DNAH12: variants seen among roughly 807,000 people sequenced by gnomAD.
DNAH12 encodes axonemal beta dynein heavy chain 12.
A neutral mutation model predicts 371.5 loss-of-function variants in DNAH12; 285 were observed. That is an observed-to-expected ratio of 0.77 (90% CI 0.70 to 0.85). The LOEUF (loss-of-function observed/expected upper bound fraction) is 0.85, where lower values mean the gene tolerates loss of function less well. DNAH12 is among the 40% of genes least tolerant of loss of function. The pLI is 0.00. For synonymous variants in DNAH12, 1,200 were observed against 1,213.0 expected, an observed-to-expected ratio of 0.99 and a Z score of 0.22; for missense variants, 3,611 against 3,689.4, an observed-to-expected ratio of 0.98 and a Z score of 0.55.
chr3:57,367,088 G>A (rs1342922752), intron 56 of DNAH12, among the ~76,000 whole-genome samples, 167 bp from the exon 57 acceptor site: 1 of 152,178 alleles, frequency 6.6e-6, no homozygotes, highest in Non-Finnish European at 1.5e-5. Context: ...AACACTTTGG[G>A]AGGCCAAGGC....
chr3:57,456,329 G>A lies in DNAH12; in HGVS notation c.3336+1392C>T, dbSNP rs901846526. ...AGAAGATGAGCTCCATAGGGCTCTC[G>A]GTCAAAGAAAAAGAACACTCACTCA... is the stretch of plus-strand genomic sequence containing the variant. On this transcript the variant is annotated intron_variant, in intron 22 of 73. Transcript: ENST00000495027. 6.6e-5 allele frequency among the ~76,000 whole-genome samples: 10 copies of A among 152,176 alleles called. No individual in the cohort carries two copies. The East Asian group carries it at 9.7e-4, about 15-fold the overall frequency.
Position 57,509,186 on chromosome 3 carries a change from CTG to C in DNAH12, c.494_495del (p.Pro165ArgfsTer2). Reference protein sequence around the residue: ...YLVQSVLVKPPVKSLEDEGGP... With the variant: ...YLVQSVLVKPXVKSLEDEGGP... ...CCTCCTTCATCTTCAAGCGATTTAA[CTG>C]GTGGTTTCACAAGAACGCTCTGCAC... is the stretch of plus-strand genomic sequence containing the variant. On this transcript the variant is annotated frameshift_variant, in exon 6 of 74. Transcript: ENST00000495027. LOFTEE classifies it high-confidence loss of function. 1 of 1,613,818 alleles carries C rather than the reference CTG, an allele frequency of 6.2e-7. No individual in the cohort carries two copies. Among genetic ancestry groups the C allele is most frequent in the Non-Finnish European group, 8.5e-7 (1 of 1,179,934 alleles).
At chr3:57,384,357 C>A (rs1230119411) in intron 49 of DNAH12, among the ~76,000 whole-genome samples, 1 of 152,000 alleles carries the variant, frequency 6.6e-6, no homozygotes, top group African/African-American at 2.4e-5. Context: ...CAAAAATAGG[C>A]CAGGCATGGA....
At chr3:57,508,212 A>AAAAC (rs1559734020) in intron 7 of DNAH12, among the ~76,000 whole-genome samples, 170 bp downstream of exon 7, 2 of 150,176 alleles carry the variant, frequency 1.3e-5, no homozygotes, top group Non-Finnish European at 3.0e-5. Flanking sequence ...AAAAAAAAAA[A>AAAAC]AACCAAAAAA....
intron 39 of DNAH12, among the ~76,000 whole-genome samples, chr3:57,409,931 A>G (rs2064151013): frequency 6.6e-6 from 1 of 152,188 alleles, no homozygotes; most frequent in African/African-American, 2.4e-5. Context: ...AAGCCATCTC[A>G]AAGATATGGT....
intron 68 of DNAH12, 128 bp from the exon 69 acceptor site, chr3:57,309,382 A>G: frequency 1.3e-6 from 1 of 778,304 alleles, no homozygotes; most frequent in Non-Finnish European, 2.0e-6. Context: ...ACAGTAATGT[A>G]TATAAGTCCT....
intron 66 of DNAH12, among the ~76,000 whole-genome samples, chr3:57,313,529 C>T (rs2061623300): frequency 6.6e-6 from 1 of 152,182 alleles, no homozygotes; most frequent in African/African-American, 2.4e-5. Context: ...TGGCACACAA[C>T]TGTAGTCCAA....
At position 57,453,229 on chromosome 3, in the gene DNAH12, A is replaced by C; in HGVS notation, c.3613+18T>G. On this transcript the variant is annotated intron_variant, in intron 24 of 73. Coordinates refer to ENST00000495027, the MANE Select transcript of DNAH12 (RefSeq NM_001366028.2). ...TATCAACATTTTATCTTTAAAAATTAAAGAAAAAGTCACATACCCATTTTA... is the reference window on the plus strand; with the variant it reads ...TATCAACATTTTATCTTTAAAAATTCAAGAAAAAGTCACATACCCATTTTA... 6.6e-7 allele frequency: 1 copy of C among 1,517,822 alleles called. No individual in the cohort carries two copies. Among genetic ancestry groups the C allele is most frequent in the Non-Finnish European group, 8.8e-7 (1 of 1,137,596 alleles). 94.0% of individuals were successfully genotyped at this position (1,517,822 alleles called of 1,614,324 possible).
intron 6 of DNAH12, among the ~76,000 whole-genome samples, chr3:57,508,922 T>TAAAGCTTAGTA (rs2067878354): frequency 6.6e-6 from 1 of 152,158 alleles, no homozygotes; most frequent in Admixed American, 6.6e-5. Flanking sequence ...AAGGCTAAGT[T>TAAAGCTTAGTA]AAGCTATGCA....
rs1450475888 is a variant in DNAH12, at chr3:57,299,234, A to G, written c.11395-2250T>C. 2.6e-5 allele frequency among the ~76,000 whole-genome samples: 4 copies of G among 152,236 alleles called. No homozygotes were observed. In the East Asian group the frequency reaches 7.7e-4, roughly 29 times the overall value. ...GCTTCCTTTATCCCAGAGTGTCATT[A>G]GTGTCTGTGGTCAGCTACTTGTACT... On this transcript the variant is annotated intron_variant, in intron 70 of 73. Transcript: ENST00000495027.
chr3:57,445,416 G>A lies in DNAH12; in HGVS notation c.4183C>T (p.Leu1395Phe), dbSNP rs766318372. 7.3e-6 allele frequency: 11 copies of A among 1,514,918 alleles called. No individual in the cohort carries two copies. The highest frequency in any genetic ancestry group is 9.7e-6 in the Non-Finnish European group (11 of 1,133,698). The allele number at this position is 1,514,918 out of a possible 1,614,324, so 93.8% of individuals were successfully genotyped here. A position where few individuals can be genotyped will look rare whatever the true frequency, so the allele number is the denominator to read the frequency against. Residue 1395 changes from leucine to phenylalanine, a missense_variant, in exon 28 of 74, where the codon CTT (leucine) becomes TTT (phenylalanine). Leu to Phe is a conservative substitution (Grantham distance 22, BLOSUM62 0). Transcript: ENST00000495027. Reference sequence around the variant, plus strand: ...ACCATCATAGCCACTGTTCTAAAAAGAACCTGAAGTATAAAATAAATGAAA... The same window carrying A: ...ACCATCATAGCCACTGTTCTAAAAAAAACCTGAAGTATAAAATAAATGAAA... ...RSELPDNLKV[L>F]FRTVAMMVPN... is the part of the protein sequence containing the mutation.
intron 34 of DNAH12, among the ~76,000 whole-genome samples, chr3:57,428,172 G>A (rs911719541): frequency 1.5e-4 from 23 of 152,130 alleles, no homozygotes; most frequent in African/African-American, 3.1e-4. Flanking sequence ...CAAGTGATCC[G>A]CCCACCTCAG....
intron 36 of DNAH12, 113 bp from the exon 37 acceptor site, chr3:57,419,631 CT>C (rs1262426489): frequency 5.9e-6 from 4 of 680,852 alleles, no homozygotes; most frequent in East Asian, 3.5e-5. Flanking sequence ...AGTCTTCCCC[CT>C]TTTAATGAAA....
chr3:57,540,440 T>C (rs2069230743), intron 2 of DNAH12, among the ~76,000 whole-genome samples: 1 of 152,160 alleles, frequency 6.6e-6, no homozygotes, highest in Non-Finnish European at 1.5e-5. Flanking sequence ...AATGCGTGCA[T>C]GAAAGGGATT....
intron 11 of DNAH12, among the ~76,000 whole-genome samples, chr3:57,495,374 C>A (rs1188708058): frequency 6.6e-6 from 1 of 151,562 alleles, no homozygotes; most frequent in African/African-American, 2.4e-5. Context: ...GCATGGCCAA[C>A]AGGTTGAAAC....
chr3:57,483,099 GAA>G (rs57454657), intron 13 of DNAH12, among the ~76,000 whole-genome samples: 90,117 of 135,442 alleles, frequency 0.67, 28,944 homozygotes, highest in South Asian at 0.75. Context: ...GTGCAACATT[GAA>G]AAAAAAAAAA....
chr3:57,301,727 C>T lies in DNAH12; in HGVS notation c.11394+8G>A, dbSNP rs963740015. 3.8e-5 allele frequency: 53 copies of T among 1,401,696 alleles called. No homozygotes were observed. The highest frequency in any genetic ancestry group is 1.0e-4 in the African/African-American group (7 of 66,720). 86.8% of individuals were successfully genotyped at this position (1,401,696 alleles called of 1,614,324 possible). A position where few individuals can be genotyped will look rare whatever the true frequency, so the allele number is the denominator to read the frequency against. The stretch of plus-strand genomic sequence containing the variant: ...ACACACACACACACACACACACACA[C>T]ATTTTACCTGTAAAAAGTTCAACCG... On this transcript the variant is annotated splice_region_variant and intron_variant, in intron 70 of 73. Coordinates refer to ENST00000495027, the MANE Select transcript of DNAH12 (RefSeq NM_001366028.2).
At chr3:57,429,855 A>C (rs530024376) in intron 32 of DNAH12, 81 bp from the exon 33 acceptor site, 1 of 1,156,110 alleles carries the variant, frequency 8.6e-7, no homozygotes, top group Non-Finnish European at 1.2e-6. Flanking sequence ...GTATAAAATA[A>C]AGTAGCTCCT....
the DNAH12 span, among the ~76,000 whole-genome samples, chr3:57,553,723 C>T: frequency 1.3e-5 from 2 of 152,088 alleles, no homozygotes; most frequent in African/African-American, 2.4e-5. Context: ...AAAAATATCA[C>T]GGAAGCAACA....
Sources: gnomAD v4.1 joint callset for allele counts (sites outside exome capture counted in the v4.1 genomes callset) on GRCh38, gnomAD v4.1.1 for gene constraint, MANE v1.5 for transcripts, NCBI Gene and HGNC (gene_info 2026-07-23, HGNC 2026-07-21) for gene names.